The following PDZD2 variants were observed in gnomAD, a reference collection of about 807,000 sequenced individuals.
The protein encoded by PDZD2 is PDZ domain containing 2, also known as PDZ domain-containing protein 2.
A neutral mutation model predicts 220.7 loss-of-function variants in PDZD2; 90 were observed. The ratio of observed to expected loss-of-function variants is 0.41; its 90% CI spans 0.34 to 0.49. PDZD2 has a LOEUF of 0.49. Ranked by LOEUF, PDZD2 falls within the 20% of genes least tolerant of loss-of-function variation. The probability of loss-of-function intolerance (pLI) is 0.28; values close to 1 mark genes in which losing one functional copy is unlikely to be tolerated. For missense variants in PDZD2, 3,174 were observed against 3,608.5 expected, an observed-to-expected ratio of 0.88 and a Z score of 3.08; for synonymous variants, 1,375 against 1,450.5, an observed-to-expected ratio of 0.95 and a Z score of 1.18.
intron 1 of PDZD2, among the ~76,000 whole-genome samples, chr5:31,662,629 G>A (rs903099625): frequency 6.6e-6 from 1 of 152,112 alleles, no homozygotes; most frequent in Admixed American, 6.5e-5. Flanking sequence ...CAGCTCTCTT[G>A]GATCCCCTTT....
chr5:31,765,602 C>G (rs573367172), intron 1 of PDZD2, among the ~76,000 whole-genome samples: 1 of 152,250 alleles, frequency 6.6e-6, no homozygotes, highest in African/African-American at 2.4e-5. Context: ...GTAGCCTGAG[C>G]TGAAAAGCAA....
In PDZD2 at chr5:32,057,987, TCAATAC is replaced by T. The variant is rs745754248; in HGVS notation, c.2087_2092del (p.Asn696_Thr697del). 3 of 1,613,484 alleles carry T rather than the reference TCAATAC, an allele frequency of 1.9e-6. No individual in the cohort carries two copies. In the Admixed American group the frequency reaches 5.0e-5, roughly 27 times the overall value. Reference sequence around the variant, plus strand: ...ATGAGCAGATCCGCCTCCCCGAACTTCAATACCAGTGGGGGAGCCTCAGCGGGAGGT... The same window carrying T: ...ATGAGCAGATCCGCCTCCCCGAACTTCAGTGGGGGAGCCTCAGCGGGAGGT... On this transcript the variant is annotated inframe_deletion, in exon 12 of 25. Coordinates refer to ENST00000438447, the MANE Select transcript of PDZD2 (RefSeq NM_178140.4).
chr5:32,040,066 C>G (rs1162083365), intron 7 of PDZD2, among the ~76,000 whole-genome samples: 1 of 144,906 alleles, frequency 6.9e-6, no homozygotes, highest in Non-Finnish European at 1.5e-5. Context: ...GCCGCCCCAT[C>G]TGGGAGATGA....
chr5:31,954,247 AATTGCATG>A (rs1747454232), intron 2 of PDZD2, among the ~76,000 whole-genome samples: 1 of 152,346 alleles, frequency 6.6e-6, no homozygotes, highest in East Asian at 1.9e-4. Context: ...TGTATTTACA[AATTGCATG>A]ATTGCATGAT....
intron 3 of PDZD2, among the ~76,000 whole-genome samples, chr5:31,992,376 C>T (rs1341698103): frequency 2.0e-5 from 3 of 151,976 alleles, no homozygotes; most frequent in Non-Finnish European, 4.4e-5. Context: ...GGGCTGGGGG[C>T]AGGCAAGTGG....
intron 2 of PDZD2, among the ~76,000 whole-genome samples, chr5:31,854,388 G>A (rs926722289): frequency 6.6e-6 from 1 of 152,202 alleles, no homozygotes; most frequent in African/African-American, 2.4e-5. Context: ...TGCTTCAGTC[G>A]TGCAGTCACC....
intron 2 of PDZD2, among the ~76,000 whole-genome samples, chr5:31,916,742 G>C (rs1743720799): frequency 1.3e-5 from 2 of 152,182 alleles, no homozygotes; most frequent in African/African-American, 4.8e-5. Context: ...TCCTTGCATA[G>C]CTGTTCCTGG....
At chr5:31,914,710 T>G (rs12521501) in intron 2 of PDZD2, among the ~76,000 whole-genome samples, 109,276 of 152,090 alleles carry the variant, frequency 0.72, 40,645 homozygotes, top group East Asian at 0.98. Flanking sequence ...TCTTAGATGA[T>G]GAAACGGAGA....
intron 2 of PDZD2, among the ~76,000 whole-genome samples, chr5:31,936,861 G>A (rs1394667870): frequency 6.6e-6 from 1 of 152,182 alleles, no homozygotes; most frequent in African/African-American, 2.4e-5. Context: ...ATGCACTAAT[G>A]TTTTCTCCAT....
intron 5 of PDZD2, among the ~76,000 whole-genome samples, chr5:32,004,582 C>A (rs764324479): frequency 1.3e-5 from 2 of 152,216 alleles, no homozygotes; most frequent in African/African-American, 4.8e-5. Flanking sequence ...CAGAGCAAGA[C>A]CCTGTCTCAA....
At chr5:31,921,046 G>A (rs1744207573) in intron 2 of PDZD2, among the ~76,000 whole-genome samples, 1 of 152,144 alleles carries the variant, frequency 6.6e-6, no homozygotes, top group South Asian at 2.1e-4. Flanking sequence ...CCAAGTTTTG[G>A]CAATTATGAA....
At chr5:31,936,004 G>C in intron 2 of PDZD2, 1 of 695,398 alleles carries the variant, frequency 1.4e-6, no homozygotes, top group Non-Finnish European at 1.8e-6. Flanking sequence ...TACACTGGCA[G>C]GGCAAGGATT....
At chr5:32,048,345 T>C (rs554794735) in intron 7 of PDZD2, among the ~76,000 whole-genome samples, 194 bp from the exon 8 acceptor site, 1 of 152,314 alleles carries the variant, frequency 6.6e-6, no homozygotes, top group East Asian at 1.9e-4. Context: ...CTGACACTAA[T>C]GGCTTCAGCA....
At chr5:31,989,421 C>CTTTTTT (rs869045113) in intron 3 of PDZD2, among the ~76,000 whole-genome samples, 4,375 of 119,570 alleles carry the variant, frequency 0.037, 125 homozygotes, top group Non-Finnish European at 0.058. Flanking sequence ...ATTTTCTTTT[C>CTTTTTT]TTTTTTTTTT....
chr5:31,814,180 A>C (rs1024898195), intron 2 of PDZD2, among the ~76,000 whole-genome samples: 4 of 152,226 alleles, frequency 2.6e-5, no homozygotes, highest in Non-Finnish European at 5.9e-5. Context: ...GGTTTATGGG[A>C]AAATTATATC....
chr5:31,695,888 G>C (rs1034705222), intron 1 of PDZD2, among the ~76,000 whole-genome samples: 1 of 152,170 alleles, frequency 6.6e-6, no homozygotes, highest in East Asian at 1.9e-4. Context: ...AAGACATGGC[G>C]AGGGAGACAG....
chr5:32,028,925 C>T lies in PDZD2; in HGVS notation c.1408-8306C>T, dbSNP rs577551615. On this transcript the variant is annotated intron_variant, in intron 6 of 24. Transcript: ENST00000438447. ...CTGGAACTCCTGACCTCAAGTGATCCGCCTGCCTTGGCCTCCCAAATTGCT... is the reference window on the plus strand; with the variant it reads ...CTGGAACTCCTGACCTCAAGTGATCTGCCTGCCTTGGCCTCCCAAATTGCT... Among the ~76,000 whole-genome samples the T allele has an allele frequency of 2.6e-5, 4 of 152,194 alleles. No homozygotes were observed. In the East Asian group the frequency reaches 5.8e-4, roughly 22 times the overall value.
At chr5:31,895,517 C>T (rs2076075651) in intron 2 of PDZD2, among the ~76,000 whole-genome samples, 1 of 152,126 alleles carries the variant, frequency 6.6e-6, no homozygotes, top group Non-Finnish European at 1.5e-5. Flanking sequence ...CATAAGCTAC[C>T]CAGCCTATGA....
chr5:31,743,438 G>A (rs1468952196), intron 1 of PDZD2, among the ~76,000 whole-genome samples: 7 of 152,094 alleles, frequency 4.6e-5, no homozygotes, highest in African/African-American at 9.7e-5. Context: ...GACTACAGAC[G>A]TGAGCCACTG....
Sources: allele counts gnomAD v4.1 joint callset (sites outside exome capture counted in the v4.1 genomes callset), GRCh38; gene constraint gnomAD v4.1.1; transcripts MANE v1.5; gene names NCBI Gene and HGNC (gene_info 2026-07-23, HGNC 2026-07-21).